Variants in KIRREL3 observed in about 807,000 individuals in gnomAD.
KIRREL3 encodes the protein kirre like nephrin family adhesion molecule 3.
KIRREL3 carries 36 observed loss-of-function variants against 89.7 expected under a neutral mutation model. That is an observed-to-expected ratio of 0.40 (90% CI 0.31 to 0.53). KIRREL3 has a LOEUF of 0.53. KIRREL3 is among the 20% of genes least tolerant of loss of function. KIRREL3 has a pLI of 0.49. For missense variants in KIRREL3, 864 were observed against 1,056.6 expected (o/e 0.82, Z 2.53); for synonymous variants, 445 against 441.4 (o/e 1.01, Z -0.10).
In KIRREL3 at chr11:126,656,122, G is replaced by A; in HGVS notation, c.56-93210C>T. The A allele has an allele frequency of 2.2e-6, 1 of 456,186 alleles. No individual in the cohort carries two copies. The highest frequency in any genetic ancestry group is 4.4e-6 in the Non-Finnish European group (1 of 226,952). 28.3% of individuals were successfully genotyped at this position (456,186 alleles called of 1,614,324 possible). A position where few individuals can be genotyped will look rare whatever the true frequency, so the allele number is the denominator to read the frequency against. ...CTGTGCAAAGGAATAAGAAACTAGT[G>A]CTGTCTCGGGAACCAGCAACACAGA... is the stretch of plus-strand genomic sequence containing the variant. On this transcript the variant is annotated intron_variant, in intron 1 of 16. Coordinates refer to ENST00000525144, the MANE Select transcript of KIRREL3 (RefSeq NM_032531.4). The surrounding 1 kb of genome is among the most constrained non-coding windows in gnomAD (Gnocchi z 4.0).
chr11:127,000,176 C>T lies in KIRREL3; in HGVS notation c.55+279G>A, dbSNP rs184423554. ...ATTAACATACCAGAAGCATAAAGAA[C>T]TCATTTGCATTGGAGAGTTTGAGCT... On this transcript the variant is annotated intron_variant, in intron 1 of 16. Transcript: ENST00000525144. The surrounding 1 kb of genome is among the most constrained non-coding windows in gnomAD (Gnocchi z 7.1). 3.9e-5 allele frequency among the ~76,000 whole-genome samples: 6 copies of T among 152,314 alleles called. No individual in the cohort carries two copies. Among genetic ancestry groups the T allele is most frequent in the Admixed American group, 3.3e-4 (5 of 15,300 alleles).
At position 126,694,484 on chromosome 11, in the gene KIRREL3, G is replaced by A. The variant is rs535201037; in HGVS notation, c.56-131572C>T. 1.4e-3 allele frequency among the ~76,000 whole-genome samples: 218 copies of A among 152,262 alleles called. 6 individuals are homozygous for A. Among genetic ancestry groups the A allele is most frequent in the African/African-American group, 3.2e-3 (131 of 41,538 alleles). On this transcript the variant is annotated intron_variant, in intron 1 of 16. Transcript: ENST00000525144. This position sits in a 1 kb window ranked among gnomAD's most constrained non-coding sequence, Gnocchi z 4.4. ...ATACTGCAGAGGAAGCAGGGCGAGC[G>A]TGGAGAATGATTGCTCAGGCCTCCA...
rs1040409747 is a variant in KIRREL3 at position 126,892,632 on chromosome 11, T to C, written c.55+107823A>G. 2.6e-5 allele frequency among the ~76,000 whole-genome samples: 4 copies of C among 152,210 alleles called. No homozygotes were observed. Among genetic ancestry groups the C allele is most frequent in the African/African-American group, 4.8e-5 (2 of 41,456 alleles). ...CACGTGTGTATGTATTATGTGTGTG[T>C]GTTTCCGGTGGGCAGGTGTGGCTGG... On this transcript the variant is annotated intron_variant, in intron 1 of 16. Coordinates refer to ENST00000525144, the MANE Select transcript of KIRREL3 (RefSeq NM_032531.4). The surrounding 1 kb of genome is among the most constrained non-coding windows in gnomAD (Gnocchi z 5.4).
In KIRREL3 at chr11:126,905,950, T is replaced by C. The variant is rs1946566557; in HGVS notation, c.55+94505A>G. Among the ~76,000 whole-genome samples, 1 of 152,170 alleles carries C rather than the reference T, an allele frequency of 6.6e-6. No individual in the cohort carries two copies. Among genetic ancestry groups the C allele is most frequent in the Non-Finnish European group, 1.5e-5 (1 of 68,024 alleles). On this transcript the variant is annotated intron_variant, in intron 1 of 16. Transcript: ENST00000525144. This position sits in a 1 kb window ranked among gnomAD's most constrained non-coding sequence, Gnocchi z 5.0. ...GAAACAGGCTGACAGGCAGAGCCATTCTGTTTGGGGTTTGTCTACAAAATT... is the reference window on the plus strand; with the variant it reads ...GAAACAGGCTGACAGGCAGAGCCATCCTGTTTGGGGTTTGTCTACAAAATT...
rs1293579412 is a variant in KIRREL3, at chr11:126,796,029, C to G, written c.55+204426G>C. ...ATACAGCCAGTAATAAGCCACTCCACTGTCATGTCTTCATTTAAATTGTTA... is the reference window on the plus strand; with the variant it reads ...ATACAGCCAGTAATAAGCCACTCCAGTGTCATGTCTTCATTTAAATTGTTA... On this transcript the variant is annotated intron_variant, in intron 1 of 16. Transcript: ENST00000525144. The surrounding 1 kb of genome is among the most constrained non-coding windows in gnomAD (Gnocchi z 5.1). Among the ~76,000 whole-genome samples the G allele has an allele frequency of 1.3e-5, 2 of 152,182 alleles. No individual in the cohort carries two copies. Among genetic ancestry groups the G allele is most frequent in the Admixed American group, 1.3e-4 (2 of 15,290 alleles).
intron 1 of KIRREL3, among the ~76,000 whole-genome samples, chr11:126,899,958 A>G (rs914266243): frequency 1.3e-5 from 2 of 152,258 alleles, no homozygotes; most frequent in Admixed American, 1.3e-4. Context: ...CAAATCTTCT[A>G]CAAAGCCAAA....
At position 126,550,790 on chromosome 11, in the gene KIRREL3, A is replaced by C. The variant is rs1939195655; in HGVS notation, c.133+12045T>G. On this transcript the variant is annotated intron_variant, in intron 2 of 16. Coordinates refer to ENST00000525144, the MANE Select transcript of KIRREL3 (RefSeq NM_032531.4). The surrounding 1 kb of genome is among the most constrained non-coding windows in gnomAD (Gnocchi z 4.9). ...GCATTTTTCCTCTACACTCACCACAACAGTCCACACAGGAGACCTCTGTGG... is the reference window on the plus strand; with the variant it reads ...GCATTTTTCCTCTACACTCACCACACCAGTCCACACAGGAGACCTCTGTGG... The C allele has an allele frequency of 6.6e-6, 1 of 152,222 alleles. No individual in the cohort carries two copies. The allele number at this position is 152,222 out of a possible 1,614,324, so 9.4% of individuals were successfully genotyped here. A position where few individuals can be genotyped will look rare whatever the true frequency, so the allele number is the denominator to read the frequency against.
chr11:126,524,606 T>C (rs1958693415), intron 3 of KIRREL3, among the ~76,000 whole-genome samples: 1 of 152,246 alleles, frequency 6.6e-6, no homozygotes, highest in Non-Finnish European at 1.5e-5. Context: ...CATTTATAAA[T>C]CATTTTCTTT....
chr11:126,498,678 G>A lies in KIRREL3; in HGVS notation c.433+22637C>T, dbSNP rs1271697828. On this transcript the variant is annotated intron_variant, in intron 4 of 16. Transcript: ENST00000525144. The surrounding 1 kb of genome is among the most constrained non-coding windows in gnomAD (Gnocchi z 4.3). ...TGACGACAAGCAGAGGAGACTCAGT[G>A]ATGAGAGGAATGGTGTGTCCATGGG... Among the ~76,000 whole-genome samples, 1 of 152,196 alleles carries A rather than the reference G, an allele frequency of 6.6e-6. No homozygotes were observed. The highest frequency in any genetic ancestry group is 1.5e-5 in the Non-Finnish European group (1 of 68,040).
chr11:126,524,669 C>T (rs553401060), intron 3 of KIRREL3, among the ~76,000 whole-genome samples: 4 of 152,236 alleles, frequency 2.6e-5, no homozygotes, highest in Admixed American at 6.5e-5. Flanking sequence ...CTTCAAGGAG[C>T]GTATCATTTC....
At chr11:126,992,180 C>T (rs898391662) in intron 1 of KIRREL3, among the ~76,000 whole-genome samples, 2 of 152,214 alleles carry the variant, frequency 1.3e-5, no homozygotes, top group African/African-American at 4.8e-5. Context: ...AATGCATCAC[C>T]TACTCCCTAG....
At chr11:126,510,015 A>AAG (rs1472881237) in intron 4 of KIRREL3, among the ~76,000 whole-genome samples, 1 of 147,340 alleles carries the variant, frequency 6.8e-6, no homozygotes, top group Non-Finnish European at 1.5e-5. Context: ...AAAAAAAAAA[A>AAG]AAAGAAAAAA....
intron 4 of KIRREL3, among the ~76,000 whole-genome samples, chr11:126,517,574 A>G (rs1482471190): frequency 6.6e-6 from 1 of 152,158 alleles, no homozygotes; most frequent in Non-Finnish European, 1.5e-5. Context: ...GCTGAACAGG[A>G]CTTGGAGAGG....
chr11:126,795,275 G>A lies in KIRREL3; in HGVS notation c.55+205180C>T, dbSNP rs981501057. On this transcript the variant is annotated intron_variant, in intron 1 of 16. Coordinates refer to ENST00000525144, the MANE Select transcript of KIRREL3 (RefSeq NM_032531.4). The surrounding 1 kb of genome is among the most constrained non-coding windows in gnomAD (Gnocchi z 4.1). ...AATGTATCTATATTGGCTTACCAATGGTAACAGATATACTACACTAATGCA... is the reference window on the plus strand; with the variant it reads ...AATGTATCTATATTGGCTTACCAATAGTAACAGATATACTACACTAATGCA... 6.6e-6 allele frequency among the ~76,000 whole-genome samples: 1 copy of A among 152,212 alleles called. No homozygotes were observed. The highest frequency in any genetic ancestry group is 1.5e-5 in the Non-Finnish European group (1 of 68,046).
In KIRREL3 at chr11:126,485,314, G is replaced by A. The variant is rs79866250; in HGVS notation, c.434-11848C>T. Among the ~76,000 whole-genome samples, 3,537 of 152,242 alleles carry A rather than the reference G, an allele frequency of 0.023. 141 individuals are homozygous for A. Among genetic ancestry groups the A allele is most frequent in the African/African-American group, 0.076 (3,161 of 41,520 alleles). On this transcript the variant is annotated intron_variant, in intron 4 of 16. Coordinates refer to ENST00000525144, the MANE Select transcript of KIRREL3 (RefSeq NM_032531.4). This position sits in a 1 kb window ranked among gnomAD's most constrained non-coding sequence, Gnocchi z 5.8. ...TCTGCTCCTAACCTGGGGGTGGGGGGAACCCTGAACTAGCTGACTTCAGAG... is the reference window on the plus strand; with the variant it reads ...TCTGCTCCTAACCTGGGGGTGGGGGAAACCCTGAACTAGCTGACTTCAGAG...
At chr11:126,509,464 T>C (rs1435787532) in intron 4 of KIRREL3, among the ~76,000 whole-genome samples, 1 of 152,210 alleles carries the variant, frequency 6.6e-6, no homozygotes, top group Admixed American at 6.5e-5. Context: ...TTTTAGCTGG[T>C]ATGTAGGTCA....
At chr11:126,816,418 G>A (rs1407783866) in intron 1 of KIRREL3, among the ~76,000 whole-genome samples, 2 of 152,164 alleles carry the variant, frequency 1.3e-5, no homozygotes, top group African/African-American at 2.4e-5. Context: ...GTATGATAAT[G>A]GGCAATATTA....
intron 15 of KIRREL3, among the ~76,000 whole-genome samples, chr11:126,426,704 A>T (rs927969492): frequency 6.6e-6 from 1 of 152,180 alleles, no homozygotes; most frequent in South Asian, 2.1e-4. Context: ...CGGTATAGGT[A>T]GTAGGTTCCC....
At position 126,564,917 on chromosome 11, in the gene KIRREL3, G is replaced by C. The variant is rs149751952; in HGVS notation, c.56-2005C>G. On this transcript the variant is annotated intron_variant, in intron 1 of 16. Coordinates refer to ENST00000525144, the MANE Select transcript of KIRREL3 (RefSeq NM_032531.4). This position sits in a 1 kb window ranked among gnomAD's most constrained non-coding sequence, Gnocchi z 7.4. ...TAACCAGCCCATTGTAATTGCACACGCATTGTTCATCATTAGAATGATACA... is the reference window on the plus strand; with the variant it reads ...TAACCAGCCCATTGTAATTGCACACCCATTGTTCATCATTAGAATGATACA... 6.6e-6 allele frequency among the ~76,000 whole-genome samples: 1 copy of C among 152,156 alleles called. No homozygotes were observed. The highest frequency in any genetic ancestry group is 1.9e-4 in the East Asian group (1 of 5,202).
Sources: allele counts gnomAD v4.1 joint callset (sites outside exome capture counted in the v4.1 genomes callset), GRCh38; gene constraint gnomAD v4.1.1; non-coding constraint Gnocchi (gnomAD v3.1); transcripts MANE v1.5; gene names NCBI Gene and HGNC (gene_info 2026-07-23, HGNC 2026-07-21).